Variants in KIF20B observed in about 807,000 individuals in gnomAD.
The protein encoded by KIF20B is kinesin family member 20B.
Under a neutral mutation model 232.5 loss-of-function variants are expected in KIF20B, and 188 were observed. That is an observed-to-expected ratio of 0.81 (90% CI 0.72 to 0.91). The LOEUF is 0.91. Ranked by LOEUF, KIF20B falls within the 40% of genes least tolerant of loss-of-function variation. The probability of loss-of-function intolerance (pLI) is 0.00; values close to 1 mark genes in which losing one functional copy is unlikely to be tolerated. For synonymous variants in KIF20B, 712 were observed against 683.0 expected, an observed-to-expected ratio of 1.04 and a Z score of -0.66; for missense variants, 2,154 against 2,055.9, an observed-to-expected ratio of 1.05 and a Z score of -0.92.
chr10:89,732,516 C>A (rs189375762), intron 18 of KIF20B, among the ~76,000 whole-genome samples: 5 of 151,532 alleles, frequency 3.3e-5, no homozygotes, highest in African/African-American at 7.3e-5. Flanking sequence ...TGTCTGTAGG[C>A]TGTATATCTT....
chr10:89,711,183 C>T, intron 6 of KIF20B, 38 bp downstream of exon 6: 1 of 1,291,776 alleles, frequency 7.7e-7, no homozygotes, highest in Non-Finnish European at 1.1e-6. Context: ...ATGTATAATT[C>T]CTGACTTCTT....
intron 2 of KIF20B, among the ~76,000 whole-genome samples, chr10:89,708,879 A>G (rs914837864): frequency 6.6e-6 from 1 of 152,158 alleles, no homozygotes; most frequent in Non-Finnish European, 1.5e-5. Context: ...TTTTCCAATG[A>G]CTTAGGGCCT....
intron 9 of KIF20B, 28 bp downstream of exon 9, chr10:89,716,575 C>A: frequency 9.8e-7 from 1 of 1,023,866 alleles, no homozygotes; most frequent in Non-Finnish European, 1.5e-6. Flanking sequence ...TAAGAGTAAA[C>A]TCGAATCACC....
At chr10:89,711,524 GA>G (rs1842837317) in intron 6 of KIF20B, among the ~76,000 whole-genome samples, 2 of 151,908 alleles carry the variant, frequency 1.3e-5, no homozygotes, top group South Asian at 2.1e-4. Context: ...CATTCCTAAA[GA>G]AAAAATTATT....
At chr10:89,730,686 T>C (rs182794792) in intron 18 of KIF20B, among the ~76,000 whole-genome samples, 1 of 152,064 alleles carries the variant, frequency 6.6e-6, no homozygotes, top group East Asian at 1.9e-4. Flanking sequence ...ATACAAACAA[T>C]TTGTTGTTTA....
In KIF20B at chr10:89,760,552, C is replaced by T; in HGVS notation, c.4707C>T (p.Pro1569=). ...KIETQIMDIK[P]KRISSADPDK... is the part of the protein sequence containing the mutation. ...AAACACAAATCATGGATATCAAGCC[C>T]AAACGTATTAGTTCAGCAGATCCTG... is the stretch of plus-strand genomic sequence containing the variant. Residue 1569 remains proline (P), a synonymous_variant, in exon 28 of 33, where the codon CCC becomes CCT. Coordinates refer to ENST00000371728, the MANE Select transcript of KIF20B (RefSeq NM_001284259.2). 6.2e-7 allele frequency: 1 copy of T among 1,612,546 alleles called. No individual in the cohort carries two copies. The highest frequency in any genetic ancestry group is 1.3e-5 in the African/African-American group (1 of 74,946).
chr10:89,729,081 T>C, intron 17 of KIF20B, 47 bp from the exon 18 acceptor site: 4 of 1,274,090 alleles, frequency 3.1e-6, no homozygotes, highest in Non-Finnish European at 4.1e-6. Context: ...GCATTCTAGT[T>C]ATCCTAAAGT....
chr10:89,708,020 G>A (rs1440318620), intron 2 of KIF20B, among the ~76,000 whole-genome samples: 8 of 152,252 alleles, frequency 5.3e-5, no homozygotes, highest in East Asian at 1.9e-4. Flanking sequence ...TTGGTCAGAT[G>A]TATTATCCTG....
At position 89,719,418 on chromosome 10, in the gene KIF20B, G is replaced by C. The variant is rs377312776; in HGVS notation, c.1435-1G>C. The stretch of plus-strand genomic sequence containing the variant: ...AAAAGTCACATTGAATATTTTAACA[G>C]GTTTGTGTCCCAGACACTTTAAATT... On this transcript the variant is annotated splice_acceptor_variant, in intron 12 of 32. Coordinates refer to ENST00000371728, the MANE Select transcript of KIF20B (RefSeq NM_001284259.2). LOFTEE classifies it high-confidence loss of function. The C allele has an allele frequency of 2.1e-5, 32 of 1,553,266 alleles. No individual in the cohort carries two copies. The highest frequency in any genetic ancestry group is 2.7e-5 in the Non-Finnish European group (31 of 1,152,386).
chr10:89,746,808 T>C (rs906381132), intron 23 of KIF20B, among the ~76,000 whole-genome samples: 1 of 147,256 alleles, frequency 6.8e-6, no homozygotes, highest in Admixed American at 6.9e-5. Context: ...CCTTTGAAAA[T>C]TCTGAAGGGA....
chr10:89,755,648 C>T (rs944121985), intron 26 of KIF20B, among the ~76,000 whole-genome samples: 5 of 151,940 alleles, frequency 3.3e-5, no homozygotes, highest in Non-Finnish European at 5.9e-5. Context: ...GGCTGGAATG[C>T]AGTGGTGCAG....
intron 28 of KIF20B, among the ~76,000 whole-genome samples, chr10:89,761,285 G>A (rs1251334998): frequency 6.6e-6 from 1 of 152,016 alleles, no homozygotes; most frequent in African/African-American, 2.4e-5. Context: ...AGATACATAA[G>A]TGAATGACTT....
intron 23 of KIF20B, among the ~76,000 whole-genome samples, chr10:89,749,411 G>C (rs952449069): frequency 1.3e-5 from 2 of 151,936 alleles, no homozygotes; most frequent in African/African-American, 4.8e-5. Context: ...CCTTTTAAAA[G>C]TGTACAGTTT....
At position 89,754,689 on chromosome 10, in the gene KIF20B, A is replaced by G. The variant is rs945863345; in HGVS notation, c.4503+16A>G. The G allele has an allele frequency of 4.0e-6, 6 of 1,495,592 alleles. No homozygotes were observed. In the African/African-American group the frequency reaches 4.2e-5, roughly 11 times the overall value. The allele number at this position is 1,495,592 out of a possible 1,614,324, so 92.6% of individuals were successfully genotyped here. On this transcript the variant is annotated intron_variant, in intron 26 of 32. Transcript: ENST00000371728. ...GAATGAAATGGTTAGTAACAATTGTATCTTTGATGTATTTCACCTACTTTC... is the reference window on the plus strand; with the variant it reads ...GAATGAAATGGTTAGTAACAATTGTGTCTTTGATGTATTTCACCTACTTTC...
chr10:89,726,276 G>GT lies in KIF20B; in HGVS notation c.2002-12dup. The GT allele has an allele frequency of 6.5e-7, 1 of 1,539,860 alleles. No individual in the cohort carries two copies. The highest frequency in any genetic ancestry group is 8.8e-7 in the Non-Finnish European group (1 of 1,141,502). Reference sequence around the variant, plus strand: ...CCCTACTGTTAATATTAGGCATGTGGTTTTTGCTATTTTTAGGAAACACAT... The same window carrying GT: ...CCCTACTGTTAATATTAGGCATGTGGTTTTTTGCTATTTTTAGGAAACACAT... On this transcript the variant is annotated splice_polypyrimidine_tract_variant and intron_variant, in intron 15 of 32. Coordinates refer to ENST00000371728, the MANE Select transcript of KIF20B (RefSeq NM_001284259.2).
Position 89,738,898 on chromosome 10 carries a change from A to G in KIF20B, c.3777-60A>G, listed in dbSNP as rs1841730391. On this transcript the variant is annotated intron_variant, in intron 20 of 32. Transcript: ENST00000371728. ...TTTGTAAAGATTGTTACCATTTCAC[A>G]TGTATGGTCCTAAGCAGTTAATGAT... 6.7e-6 allele frequency: 10 copies of G among 1,498,960 alleles called. 2 individuals carry two copies. The South Asian group carries it at 8.9e-5, about 13-fold the overall frequency. The allele number at this position is 1,498,960 out of a possible 1,614,324, so 92.9% of individuals were successfully genotyped here.
chr10:89,715,254 AAAAC>A (rs1842914884), intron 8 of KIF20B, 72 bp downstream of exon 8: 3 of 913,870 alleles, frequency 3.3e-6, no homozygotes, highest in Non-Finnish European at 1.7e-6. Flanking sequence ...CTGTAAGACT[AAAAC>A]AAATAGAAAA....
intron 19 of KIF20B, among the ~76,000 whole-genome samples, chr10:89,733,738 C>T (rs1164772282): frequency 6.6e-6 from 1 of 152,080 alleles, no homozygotes; most frequent in Non-Finnish European, 1.5e-5. Context: ...GGCATAATGC[C>T]TTATTTTACC....
chr10:89,727,759 T>G (rs1290432443), intron 16 of KIF20B, 97 bp from the exon 17 acceptor site: 2 of 1,071,898 alleles, frequency 1.9e-6, no homozygotes, highest in African/African-American at 3.2e-5. Flanking sequence ...AATGTAACAG[T>G]AAAGTGTCAC....
Sources: gnomAD v4.1 joint callset for allele counts (sites outside exome capture counted in the v4.1 genomes callset) on GRCh38, gnomAD v4.1.1 for gene constraint, MANE v1.5 for transcripts, NCBI Gene and HGNC (gene_info 2026-07-23, HGNC 2026-07-21) for gene names.